RTKN2: variants seen among roughly 807,000 people sequenced by gnomAD.
The protein encoded by RTKN2 is rhotekin 2, also known as rhotekin-2.
In RTKN2, 69 loss-of-function variants were observed where a neutral mutation model predicts 71.5. That is an observed-to-expected ratio of 0.96 (90% CI 0.79 to 1.18). The LOEUF (loss-of-function observed/expected upper bound fraction) is 1.18, where lower values mean the gene tolerates loss of function less well. Among genes scored for constraint, RTKN2 ranks in the 50% most tolerant of loss-of-function variants. The pLI, the probability that RTKN2 is intolerant of heterozygous loss-of-function variation, is 0.00. For synonymous variants in RTKN2, 236 were observed against 236.5 expected, an observed-to-expected ratio of 1.00 and a Z score of 0.02; for missense variants, 724 against 719.7, an observed-to-expected ratio of 1.01 and a Z score of -0.07.
Position 62,198,062 on chromosome 10 carries a change from G to C in RTKN2, c.1676C>G (p.Pro559Arg), listed in dbSNP as rs1349806695. 1.2e-6 allele frequency: 2 copies of C among 1,613,926 alleles called. No individual in the cohort carries two copies. The highest frequency in any genetic ancestry group is 1.7e-6 in the Non-Finnish European group (2 of 1,179,964). Residue 559 changes from proline (P) to arginine (R), a missense_variant, in exon 12 of 12, where the codon CCT (proline) becomes CGT (arginine). Coordinates refer to ENST00000373789, the MANE Select transcript of RTKN2 (RefSeq NM_145307.4). ...TCTCCTGGCAGGCAGAAGTTTTCGA[G>C]GAGCAGCCATTGGTTTCTGTAAGTG... ...MHHLQKPMAA[P>R]RKLLPARRNR...
chr10:62,197,183 G>A lies in RTKN2; in HGVS notation c.*725C>T, dbSNP rs1162579055. On this transcript the variant is annotated 3_prime_UTR_variant, in exon 12 of 12. Coordinates refer to ENST00000373789, the MANE Select transcript of RTKN2 (RefSeq NM_145307.4). ...ACAATGGAAATTAGCACCACACACA[G>A]AAAATTGAATGTAAAGAGCATTTCA... is the stretch of plus-strand genomic sequence containing the variant. 1.0e-6 allele frequency: 1 copy of A among 985,398 alleles called. No individual in the cohort carries two copies. The highest frequency in any genetic ancestry group is 1.1e-4 in the East Asian group (1 of 8,826). 61.0% of individuals were successfully genotyped at this position (985,398 alleles called of 1,614,324 possible). A position where few individuals can be genotyped will look rare whatever the true frequency, so the allele number is the denominator to read the frequency against.
Position 62,197,743 on chromosome 10 carries a change from G to C in RTKN2, c.*165C>G, listed in dbSNP as rs868184614. The C allele has an allele frequency of 2.1e-6, 3 of 1,415,660 alleles. No individual in the cohort carries two copies. In the African/African-American group the frequency reaches 4.3e-5, roughly 20 times the overall value. The allele number at this position is 1,415,660 out of a possible 1,614,324, so 87.7% of individuals were successfully genotyped here. ...CATTCTGCAAATCAGGAGTAAAAGA[G>C]AAATCCACTTCTTCATTATAAAATG... On this transcript the variant is annotated 3_prime_UTR_variant, in exon 12 of 12. Transcript: ENST00000373789.
intron 6 of RTKN2, among the ~76,000 whole-genome samples, chr10:62,232,593 C>T (rs1488658878): frequency 1.3e-5 from 2 of 151,840 alleles, no homozygotes; most frequent in African/African-American, 4.8e-5. Flanking sequence ...TGAGCCACTG[C>T]CCCCAGCCTT....
chr10:62,254,064 T>C (rs1311884125), intron 2 of RTKN2, among the ~76,000 whole-genome samples: 2 of 152,138 alleles, frequency 1.3e-5, no homozygotes, highest in African/African-American at 4.8e-5. Flanking sequence ...AAGTAATTAA[T>C]TCAAAGAGAA....
chr10:62,185,922 G>GT (rs1198232769), intron 8 of RTKN2, among the ~76,000 whole-genome samples: 1 of 152,202 alleles, frequency 6.6e-6, no homozygotes, highest in Non-Finnish European at 1.5e-5. Context: ...GAATTTTACG[G>GT]TTTTATATAT....
chr10:62,225,834 T>C (rs1402368839), intron 6 of RTKN2, among the ~76,000 whole-genome samples: 1 of 150,854 alleles, frequency 6.6e-6, no homozygotes, highest in East Asian at 1.9e-4. Flanking sequence ...CAGGCTGGAG[T>C]GCAGTGGCAC....
chr10:62,198,242 C>A lies in RTKN2; in HGVS notation c.1496G>T (p.Gly499Val). Residue 499 changes from glycine (G) to valine (V), a missense_variant, in exon 12 of 12, where the codon GGG (glycine) becomes GTG (valine). Coordinates refer to ENST00000373789, the MANE Select transcript of RTKN2 (RefSeq NM_145307.4). ...AGGAAGGGGAGCTTGTCTCTTTTTC[C>A]CTTTTTCATCATGTAATGGCTCACT... The part of the protein sequence containing the change: ...PASEPLHDEK[G>V]KKRQAPLPPS... 5 of 1,613,904 alleles carry A rather than the reference C, an allele frequency of 3.1e-6. No individual in the cohort carries two copies. The highest frequency in any genetic ancestry group is 4.2e-6 in the Non-Finnish European group (5 of 1,179,926).
intron 4 of RTKN2, 71 bp downstream of exon 4, chr10:62,241,071 T>C (rs1842364067): frequency 4.9e-6 from 4 of 811,070 alleles, no homozygotes; most frequent in African/African-American, 1.7e-5. Flanking sequence ...GGAAGCAGTC[T>C]TTTTTCTCAA....
At chr10:62,221,651 G>C (rs1841909920) in intron 7 of RTKN2, among the ~76,000 whole-genome samples, 1 of 152,030 alleles carries the variant, frequency 6.6e-6, no homozygotes, top group Non-Finnish European at 1.5e-5. Context: ...ATAACTATGG[G>C]TCGAAAAATC....
chr10:62,242,939 A>G (rs1363451215), intron 3 of RTKN2, among the ~76,000 whole-genome samples: 1 of 152,014 alleles, frequency 6.6e-6, no homozygotes, highest in African/African-American at 2.4e-5. Context: ...CCTACAATCT[A>G]TTATCTTCAA....
chr10:62,184,338 T>C, exon 9 of RTKN2: 1 of 1,543,576 alleles, frequency 6.5e-7, no homozygotes, highest in Non-Finnish European at 8.8e-7. Flanking sequence ...GAAGAGGAAT[T>C]TGGAAGTTGC....
intron 4 of RTKN2, among the ~76,000 whole-genome samples, chr10:62,240,854 T>C (rs370728048): frequency 1.1e-4 from 16 of 152,208 alleles, no homozygotes; most frequent in African/African-American, 3.4e-4. Flanking sequence ...CTAAACATTT[T>C]CTTTTGTTCC....
Position 62,217,147 on chromosome 10 carries a change from C to T in RTKN2, c.991G>A (p.Glu331Lys), listed in dbSNP as rs745509502. 1 of 1,586,384 alleles carries T rather than the reference C, an allele frequency of 6.3e-7. No homozygotes were observed. The highest frequency in any genetic ancestry group is 8.6e-7 in the Non-Finnish European group (1 of 1,169,020). Residue 331 changes from glutamate (E) to lysine (K), a missense_variant, in exon 9 of 12, where the codon GAA becomes AAA. Physicochemically the swap from Glu to Lys is moderately conservative, Grantham distance 56 (BLOSUM62 1). Transcript: ENST00000373789. Reference protein sequence around the residue: ...YSPEEIEAKVEPALVVPINKE... With the variant: ...YSPEEIEAKVKPALVVPINKE... ...TTAATGGGTACTACCAAAGCTGGTTCCACTTTAGCTTCAATTTCCTCTGGA... is the reference window on the plus strand; with the variant it reads ...TTAATGGGTACTACCAAAGCTGGTTTCACTTTAGCTTCAATTTCCTCTGGA...
At chr10:62,234,156 C>G (rs938995059) in intron 6 of RTKN2, among the ~76,000 whole-genome samples, 6 of 152,084 alleles carry the variant, frequency 3.9e-5, no homozygotes, top group Non-Finnish European at 8.8e-5. Context: ...TAGAAGTCAG[C>G]TTAACGGTTT....
intron 6 of RTKN2, among the ~76,000 whole-genome samples, chr10:62,234,020 G>A (rs1480736788): frequency 6.6e-6 from 1 of 152,132 alleles, no homozygotes; most frequent in Admixed American, 6.6e-5. Context: ...GGTATCTGAA[G>A]GAAACCACGC....
Position 62,195,817 on chromosome 10 carries a change from G to C in RTKN2, c.*2091C>G, listed in dbSNP as rs112852060. On this transcript the variant is annotated 3_prime_UTR_variant, in exon 12 of 12. Coordinates refer to ENST00000373789, the MANE Select transcript of RTKN2 (RefSeq NM_145307.4). ...AGAGACCGAATAATTTGGTGGGGAG[G>C]GGGTGGTGGTCCTTGCTCAGGCTTT... 8.3e-3 allele frequency: 8,157 copies of C among 985,414 alleles called. 40 individuals carry two copies. The highest frequency in any genetic ancestry group is 0.029 in the African/African-American group (1,671 of 57,300). 61.0% of individuals were successfully genotyped at this position (985,414 alleles called of 1,614,324 possible). A position where few individuals can be genotyped will look rare whatever the true frequency, so the allele number is the denominator to read the frequency against.
At chr10:62,258,739 A>G (rs368474042) in intron 2 of RTKN2, among the ~76,000 whole-genome samples, 3 of 152,326 alleles carry the variant, frequency 2.0e-5, no homozygotes, top group African/African-American at 4.8e-5. Context: ...AGAAATATAC[A>G]TGTGTATATG....
At chr10:62,263,728 T>C (rs924639555) in intron 1 of RTKN2, among the ~76,000 whole-genome samples, 43 of 152,312 alleles carry the variant, frequency 2.8e-4, no homozygotes, top group African/African-American at 1.0e-3. Flanking sequence ...GTGAAAGCGC[T>C]GTACACTGAA....
At chr10:62,185,928 T>C (rs888004513) in intron 8 of RTKN2, among the ~76,000 whole-genome samples, 2 of 152,266 alleles carry the variant, frequency 1.3e-5, no homozygotes, top group Middle Eastern at 3.2e-3. Flanking sequence ...TACGGTTTTA[T>C]ATATAACCTC....
Sources: allele counts gnomAD v4.1 joint callset (sites outside exome capture counted in the v4.1 genomes callset), GRCh38; gene constraint gnomAD v4.1.1; transcripts MANE v1.5; gene names NCBI Gene and HGNC (gene_info 2026-07-23, HGNC 2026-07-21).